CNIH3: variants seen among roughly 807,000 people sequenced by gnomAD.
The protein encoded by CNIH3 is protein cornichon homolog 3.
In CNIH3, 14 loss-of-function variants were observed where a neutral mutation model predicts 24.1. The observed-to-expected ratio is 0.58, with a 90% CI of 0.38 to 0.91. The LOEUF (loss-of-function observed/expected upper bound fraction) is 0.91, where lower values mean the gene tolerates loss of function less well. Among genes scored for constraint, CNIH3 ranks in the 40% least tolerant of loss-of-function variants. CNIH3 has a pLI of 0.00. For synonymous variants in CNIH3, 68 were observed against 73.8 expected, an observed-to-expected ratio of 0.92 and a Z score of 0.40; for missense variants, 178 against 196.8, an observed-to-expected ratio of 0.90 and a Z score of 0.57.
At chr1:224,672,973 A>C (rs1481580972) in intron 1 of CNIH3, among the ~76,000 whole-genome samples, 1 of 152,218 alleles carries the variant, frequency 6.6e-6, no homozygotes, top group Non-Finnish European at 1.5e-5. Context: ...GAGAGGGGTT[A>C]ACCCAAATCT....
At chr1:224,452,998 T>C in intron 1 of CNIH3, among the ~76,000 whole-genome samples, 1 of 149,598 alleles carries the variant, frequency 6.7e-6, no homozygotes, top group Non-Finnish European at 1.5e-5. Context: ...CGCATGCCTG[T>C]AATCCCAGCT....
At chr1:224,562,842 G>A (rs10916642) in intron 3 of CNIH3, among the ~76,000 whole-genome samples, 40,464 of 151,998 alleles carry the variant, frequency 0.27, 5,709 homozygotes, top group Admixed American at 0.33. Context: ...AGATGCTGGC[G>A]CAGTTCCTAA....
intron 1 of CNIH3, chr1:224,661,510 C>A: frequency 6.5e-6 from 2 of 305,944 alleles, no homozygotes; most frequent in Non-Finnish European, 6.3e-6. Flanking sequence ...TTGGGGACCC[C>A]TTTGATTCCC....
At chr1:224,619,694 CTGTT>C (rs1683189502) in intron 1 of CNIH3, among the ~76,000 whole-genome samples, 1 of 152,180 alleles carries the variant, frequency 6.6e-6, no homozygotes, top group Non-Finnish European at 1.5e-5. Flanking sequence ...TTATGTTAGA[CTGTT>C]TGCCTTCTTT....
chr1:224,467,947 C>T (rs1308978029), intron 1 of CNIH3, among the ~76,000 whole-genome samples: 18 of 149,890 alleles, frequency 1.2e-4, no homozygotes, highest in South Asian at 4.2e-4. Context: ...AAAGGGCCGT[C>T]CTTCCTCTAT....
At chr1:224,701,462 C>A (rs1464500611) in intron 3 of CNIH3, among the ~76,000 whole-genome samples, 1 of 152,016 alleles carries the variant, frequency 6.6e-6, no homozygotes, top group East Asian at 1.9e-4. Context: ...CTCTCTGCAC[C>A]CTTTATCAGG....
At chr1:224,598,033 G>A (rs1682059854) in intron 3 of CNIH3, among the ~76,000 whole-genome samples, 1 of 152,180 alleles carries the variant, frequency 6.6e-6, no homozygotes. Flanking sequence ...CCAACATTGT[G>A]TTGTGAGAGC....
upstream of CNIH3, among the ~76,000 whole-genome samples, chr1:224,614,151 A>G (rs1682831139): frequency 6.6e-6 from 1 of 152,164 alleles, no homozygotes; most frequent in Non-Finnish European, 1.5e-5. Context: ...AAGTACTGGG[A>G]TTACAGGCAT....
At chr1:224,675,733 G>A (rs557313601) in intron 1 of CNIH3, among the ~76,000 whole-genome samples, 14 of 152,268 alleles carry the variant, frequency 9.2e-5, no homozygotes, top group Middle Eastern at 3.4e-3. Flanking sequence ...GCTCAGCATC[G>A]TTAGTCACTG....
At chr1:224,693,913 A>C (rs1311854225) in intron 3 of CNIH3, among the ~76,000 whole-genome samples, 3 of 152,246 alleles carry the variant, frequency 2.0e-5, no homozygotes, top group Non-Finnish European at 2.9e-5. Flanking sequence ...CTGCTCCAGT[A>C]GTTCTTGCGA....
intron 1 of CNIH3, among the ~76,000 whole-genome samples, chr1:224,635,519 C>T (rs1461683720): frequency 6.6e-6 from 1 of 152,200 alleles, no homozygotes; most frequent in East Asian, 1.9e-4. Flanking sequence ...GTGAGTCCTG[C>T]TGAGCAACAG....
At chr1:224,712,228 G>T (rs1221388198) in intron 3 of CNIH3, among the ~76,000 whole-genome samples, 1 of 152,206 alleles carries the variant, frequency 6.6e-6, no homozygotes, top group Non-Finnish European at 1.5e-5. Context: ...CATATGCACA[G>T]CATTTAAAAT....
At chr1:224,596,092 A>G (rs1429306108) in intron 3 of CNIH3, among the ~76,000 whole-genome samples, 1 of 152,248 alleles carries the variant, frequency 6.6e-6, no homozygotes, top group Non-Finnish European at 1.5e-5. Context: ...TTTTCAATGT[A>G]GATGAAACAG....
rs551565395 is a variant in CNIH3 at position 224,634,517 on chromosome 1, G to T, written c.81+17262G>T. Among the ~76,000 whole-genome samples the T allele has an allele frequency of 1.5e-3, 228 of 151,462 alleles. 1 individual carries two copies. Among genetic ancestry groups the T allele is most frequent in the Non-Finnish European group, 2.8e-3 (190 of 67,930 alleles). ...CTGGGAGGTGGATGGAGGTTGCAGT[G>T]AGCCGAGATTGTGCCACGGCACTCC... On this transcript the variant is annotated intron_variant, in intron 1 of 5. Transcript: ENST00000272133.
intron 3 of CNIH3, among the ~76,000 whole-genome samples, chr1:224,554,665 C>G (rs887106217): frequency 3.3e-5 from 5 of 151,808 alleles, no homozygotes; most frequent in African/African-American, 1.2e-4. Flanking sequence ...CTTAGTGAAG[C>G]CTTGACTTCC....
At chr1:224,661,478 C>T in intron 1 of CNIH3, 1 of 261,424 alleles carries the variant, frequency 3.8e-6, no homozygotes, top group Non-Finnish European at 7.6e-6. Context: ...GAAAAACAAC[C>T]CATCCCTCAG....
Position 224,739,370 on chromosome 1 carries a change from C to T in CNIH3, c.*14C>T. On this transcript the variant is annotated 3_prime_UTR_variant, in exon 6 of 6. Coordinates refer to ENST00000272133, the MANE Select transcript of CNIH3 (RefSeq NM_152495.2). ...GTGAGCTCTTAACGCAAAGACCATG[C>T]ACATCATCAGAGACTGAGATGGGAG... 1 of 1,564,166 alleles carries T rather than the reference C, an allele frequency of 6.4e-7. No individual in the cohort carries two copies. Among genetic ancestry groups the T allele is most frequent in the East Asian group, 2.4e-5 (1 of 41,630 alleles).
intron 3 of CNIH3, among the ~76,000 whole-genome samples, chr1:224,555,021 C>T (rs139192350): frequency 2.0e-4 from 31 of 152,116 alleles, no homozygotes; most frequent in Middle Eastern, 3.4e-3. Flanking sequence ...CTTGAGCATC[C>T]GTGGGTTTTG....
upstream of CNIH3, among the ~76,000 whole-genome samples, chr1:224,613,819 C>G (rs1387099560): frequency 6.6e-6 from 1 of 152,124 alleles, no homozygotes; most frequent in Non-Finnish European, 1.5e-5. Context: ...CGTGCTTGTA[C>G]AGCCTGCAGA....
Sources: gnomAD v4.1 joint callset for allele counts (sites outside exome capture counted in the v4.1 genomes callset) on GRCh38, gnomAD v4.1.1 for gene constraint, MANE v1.5 for transcripts, NCBI Gene and HGNC (gene_info 2026-07-23, HGNC 2026-07-21) for gene names.